The following DSCAML1 variants were observed in gnomAD, a reference collection of about 807,000 sequenced individuals.
The protein encoded by DSCAML1 is cell adhesion molecule DSCAML1.
A neutral mutation model predicts 200.5 loss-of-function variants in DSCAML1; 38 were observed. That is an observed-to-expected ratio of 0.19 (90% CI 0.15 to 0.25). The LOEUF is 0.25. DSCAML1 is among the 10% of genes least tolerant of loss of function. The probability of loss-of-function intolerance (pLI) is 1.00; values close to 1 mark genes in which losing one functional copy is unlikely to be tolerated. For synonymous variants in DSCAML1, 1,215 were observed against 1,165.0 expected (o/e 1.04, Z -0.87); for missense variants, 2,223 against 2,858.8 (o/e 0.78, Z 5.07).
intron 3 of DSCAML1, among the ~76,000 whole-genome samples, chr11:117,610,194 G>A (rs2051659871): frequency 6.6e-6 from 1 of 152,156 alleles, no homozygotes. Flanking sequence ...CATTCTTAAT[G>A]CCAACAAGAC....
At chr11:117,744,183 T>A (rs71480355) in intron 3 of DSCAML1, among the ~76,000 whole-genome samples, 2,337 of 152,334 alleles carry the variant, frequency 0.015, 35 homozygotes, top group Non-Finnish European at 0.023. Context: ...TAAGTACTGT[T>A]ATTATCCTTA....
At chr11:117,575,857 CAAAA>C (rs2050923292) in intron 3 of DSCAML1, among the ~76,000 whole-genome samples, 1 of 24,640 alleles carries the variant, frequency 4.1e-5, no homozygotes, top group Non-Finnish European at 9.7e-5. Flanking sequence ...CAAAACAAAA[CAAAA>C]CAAAACAAAA....
chr11:117,442,161 G>A (rs1400543402), intron 21 of DSCAML1, among the ~76,000 whole-genome samples: 6 of 151,854 alleles, frequency 4.0e-5, no homozygotes, highest in African/African-American at 9.7e-5. Flanking sequence ...GTGTATATGC[G>A]TATATGCATG....
At chr11:117,561,826 C>T (rs1169397512) in intron 3 of DSCAML1, among the ~76,000 whole-genome samples, 1 of 152,246 alleles carries the variant, frequency 6.6e-6, no homozygotes, top group Non-Finnish European at 1.5e-5. Context: ...TATTCATCTC[C>T]CCATTAAGGC....
At chr11:117,765,175 C>G (rs1476057762) in intron 3 of DSCAML1, among the ~76,000 whole-genome samples, 1 of 152,198 alleles carries the variant, frequency 6.6e-6, no homozygotes, top group Admixed American at 6.5e-5. Context: ...GGCCCAGGGC[C>G]CCTCCTGCCC....
chr11:117,752,757 T>C (rs1307269108), intron 3 of DSCAML1, among the ~76,000 whole-genome samples: 5 of 152,194 alleles, frequency 3.3e-5, no homozygotes, highest in Non-Finnish European at 7.3e-5. Flanking sequence ...AGAAGCCTAT[T>C]TCTGTCACCG....
At position 117,472,052 on chromosome 11, in the gene DSCAML1, CT is replaced by C; in HGVS notation, c.2786-17del. On this transcript the variant is annotated splice_polypyrimidine_tract_variant and intron_variant, in intron 14 of 32. Coordinates refer to ENST00000651296, the MANE Select transcript of DSCAML1 (RefSeq NM_020693.4). ...TCCCAGGAATCTGGAGAGAAGACACCTATGTCAAAGCATGGCCAGGCAAACT... is the reference window on the plus strand; with the variant it reads ...TCCCAGGAATCTGGAGAGAAGACACCATGTCAAAGCATGGCCAGGCAAACT... 1 of 1,611,756 alleles carries C rather than the reference CT, an allele frequency of 6.2e-7. No individual in the cohort carries two copies. The highest frequency in any genetic ancestry group is 2.2e-5 in the East Asian group (1 of 44,826).
At chr11:117,666,588 C>T (rs1397094725) in intron 3 of DSCAML1, among the ~76,000 whole-genome samples, 1 of 152,210 alleles carries the variant, frequency 6.6e-6, no homozygotes, top group Non-Finnish European at 1.5e-5. Flanking sequence ...CTCTCCCTCA[C>T]TGAGCCTGTG....
At chr11:117,536,942 C>T (rs929936752) in intron 3 of DSCAML1, among the ~76,000 whole-genome samples, 5 of 152,096 alleles carry the variant, frequency 3.3e-5, no homozygotes, top group East Asian at 1.9e-4. Context: ...AATGACTTTA[C>T]GTACATTATC....
intron 2 of DSCAML1, among the ~76,000 whole-genome samples, chr11:117,778,403 G>A (rs1591500541): frequency 6.6e-6 from 1 of 152,324 alleles, no homozygotes; most frequent in South Asian, 2.1e-4. Context: ...CAGGGAGTCA[G>A]CAGAGGTTAA....
At chr11:117,743,384 A>C (rs1020616149) in intron 3 of DSCAML1, among the ~76,000 whole-genome samples, 2 of 152,158 alleles carry the variant, frequency 1.3e-5, no homozygotes, top group African/African-American at 4.8e-5. Context: ...CACATATCCC[A>C]GTTGTGACCG....
chr11:117,810,927 A>C (rs2055755682), intron 1 of DSCAML1, among the ~76,000 whole-genome samples: 1 of 151,664 alleles, frequency 6.6e-6, no homozygotes, highest in African/African-American at 2.4e-5. Context: ...GAGTCTTTCT[A>C]ATCTTCCTTT....
chr11:117,505,791 C>T lies in DSCAML1; in HGVS notation c.1784-59G>A, dbSNP rs553690583. ...CTGTGCATTCTCACCTGGCCGCCAA[C>T]GCCGCCTCACCTGCCTTACCTGGGG... On this transcript the variant is annotated intron_variant, in intron 8 of 32. Transcript: ENST00000651296. This position sits in a 1 kb window ranked among gnomAD's most constrained non-coding sequence, Gnocchi z 6.7. The T allele has an allele frequency of 4.5e-4, 690 of 1,547,920 alleles. 2 individuals are homozygous for T. In the African/African-American group the frequency reaches 5.0e-3, roughly 11 times the overall value.
intron 3 of DSCAML1, among the ~76,000 whole-genome samples, chr11:117,570,637 C>T (rs1215803221): frequency 8.5e-5 from 13 of 152,218 alleles, no homozygotes; most frequent in African/African-American, 3.1e-4. Flanking sequence ...AAAGGAATAC[C>T]AATCCCTTTA....
chr11:117,746,171 CA>C (rs1043420365), intron 3 of DSCAML1, among the ~76,000 whole-genome samples: 75 of 121,172 alleles, frequency 6.2e-4, no homozygotes, highest in African/African-American at 2.2e-3. Flanking sequence ...ACAGTGAGCC[CA>C]GATCATGCAG....
At chr11:117,620,560 G>T (rs144300267) in intron 3 of DSCAML1, among the ~76,000 whole-genome samples, 2 of 152,144 alleles carry the variant, frequency 1.3e-5, no homozygotes, top group Non-Finnish European at 2.9e-5. Flanking sequence ...TTTGCCACCC[G>T]TTTGGACTGG....
chr11:117,790,378 C>A (rs2055438687), intron 1 of DSCAML1, among the ~76,000 whole-genome samples: 2 of 152,220 alleles, frequency 1.3e-5, no homozygotes, highest in Non-Finnish European at 1.5e-5. Context: ...AAGGGATCTG[C>A]CAAGTTTGCT....
At chr11:117,464,006 G>C (rs1289894806) in intron 17 of DSCAML1, among the ~76,000 whole-genome samples, 4 of 152,228 alleles carry the variant, frequency 2.6e-5, no homozygotes, top group African/African-American at 9.6e-5. Flanking sequence ...TTTTCAGAGA[G>C]GATGAGCTAG....
chr11:117,661,847 A>G (rs1378190356), intron 3 of DSCAML1, among the ~76,000 whole-genome samples: 1 of 152,196 alleles, frequency 6.6e-6, no homozygotes, highest in East Asian at 1.9e-4. Context: ...GGGCCTATGA[A>G]AAAGAGTGGC....
Sources: allele counts gnomAD v4.1 joint callset (sites outside exome capture counted in the v4.1 genomes callset), GRCh38; gene constraint gnomAD v4.1.1; non-coding constraint Gnocchi (gnomAD v3.1); transcripts MANE v1.5; gene names NCBI Gene and HGNC (gene_info 2026-07-23, HGNC 2026-07-21).